Variants in CNBD1 observed in about 807,000 individuals in gnomAD.
The protein encoded by CNBD1 is cyclic nucleotide-binding domain-containing protein 1.
Under a neutral mutation model 54.4 loss-of-function variants are expected in CNBD1, and 71 were observed. The observed-to-expected ratio is 1.30, with a 90% CI of 1.08 to 1.59. The LOEUF (loss-of-function observed/expected upper bound fraction) is 1.59. CNBD1 is among the 40% of genes most tolerant of loss of function. CNBD1 has a pLI of 0.00. For missense variants in CNBD1, 659 were observed against 518.0 expected, an observed-to-expected ratio of 1.27 and a Z score of -2.64; for synonymous variants, 182 against 170.7, an observed-to-expected ratio of 1.07 and a Z score of -0.51.
At chr8:87,252,299 G>T (rs1807931783) in intron 6 of CNBD1, among the ~76,000 whole-genome samples, 1 of 152,080 alleles carries the variant, frequency 6.6e-6, no homozygotes, top group South Asian at 2.1e-4. Flanking sequence ...GTTGACAATT[G>T]AATATCAAAC....
At chr8:87,388,159 C>G (rs1431863533) in intron 2 of CNBD1, among the ~76,000 whole-genome samples, 1 of 152,084 alleles carries the variant, frequency 6.6e-6, no homozygotes, top group African/African-American at 2.4e-5. Context: ...AAGGAAAGAT[C>G]TAAAATTGAC....
At position 87,380,482 on chromosome 8, in the gene CNBD1, A is replaced by G. The variant is rs148664677; in HGVS notation, c.1304-2138A>G. Among the ~76,000 whole-genome samples, 504 of 151,892 alleles carry G rather than the reference A, an allele frequency of 3.3e-3. 1 individual carries two copies. Among genetic ancestry groups the G allele is most frequent in the African/African-American group, 0.012 (477 of 41,476 alleles). On this transcript the variant is annotated intron_variant, in intron 10 of 10. Coordinates refer to ENST00000518476, the MANE Select transcript of CNBD1 (RefSeq NM_173538.3). ...TCCAACTTCATCCTTCTTTCTGCAG[A>G]TTGATTTGGTTATGTGTAATTTTTT...
chr8:86,940,973 G>A (rs1271553200), intron 4 of CNBD1, among the ~76,000 whole-genome samples: 2 of 152,124 alleles, frequency 1.3e-5, no homozygotes, highest in African/African-American at 4.8e-5. Context: ...TAGACTACAC[G>A]ATCCAGGTTT....
chr8:87,335,145 A>T (rs1809918583), intron 8 of CNBD1, among the ~76,000 whole-genome samples: 2 of 152,268 alleles, frequency 1.3e-5, no homozygotes, highest in South Asian at 4.1e-4. Flanking sequence ...ATTTTAGAGT[A>T]AGTGTCATGT....
intron 5 of CNBD1, among the ~76,000 whole-genome samples, chr8:87,223,781 G>T (rs1316406314): frequency 6.6e-6 from 1 of 151,890 alleles, no homozygotes; most frequent in Non-Finnish European, 1.5e-5. Context: ...TGGGTCAAAT[G>T]GTATTTCCAG....
chr8:87,407,620 T>C (rs4131948), intron 2 of CNBD1, among the ~76,000 whole-genome samples: 86,013 of 151,910 alleles, frequency 0.57, 25,860 homozygotes, highest in African/African-American at 0.77. Context: ...AACCATCTGT[T>C]TATAAAAATT....
chr8:87,067,093 G>T (rs1810669740), intron 4 of CNBD1, among the ~76,000 whole-genome samples: 1 of 152,006 alleles, frequency 6.6e-6, no homozygotes, highest in Non-Finnish European at 1.5e-5. Context: ...GCCATCATTA[G>T]TTAGGGCTGG....
chr8:87,101,870 G>A (rs985905516), intron 4 of CNBD1, among the ~76,000 whole-genome samples: 2 of 151,702 alleles, frequency 1.3e-5, no homozygotes, highest in African/African-American at 4.8e-5. Flanking sequence ...TGGAGGTGAA[G>A]TGGGATCAGT....
intron 10 of CNBD1, among the ~76,000 whole-genome samples, chr8:87,367,076 A>G (rs1381549382): frequency 6.6e-6 from 1 of 151,992 alleles, no homozygotes; most frequent in East Asian, 1.9e-4. Flanking sequence ...CTCTCTCACT[A>G]ATATACCATT....
intron 4 of CNBD1, among the ~76,000 whole-genome samples, chr8:87,008,599 G>C (rs1160517483): frequency 6.6e-6 from 1 of 152,106 alleles, no homozygotes; most frequent in Non-Finnish European, 1.5e-5. Flanking sequence ...CTGAGTGAAA[G>C]GTTTTGCTAC....
chr8:87,231,358 G>C (rs1235798884), intron 5 of CNBD1, among the ~76,000 whole-genome samples: 2 of 152,094 alleles, frequency 1.3e-5, no homozygotes, highest in Non-Finnish European at 2.9e-5. Context: ...GAGGGGAGGG[G>C]AAGAAAGAAT....
intron 6 of CNBD1, among the ~76,000 whole-genome samples, chr8:87,247,375 G>A (rs989206042): frequency 2.0e-5 from 3 of 152,102 alleles, no homozygotes; most frequent in Non-Finnish European, 4.4e-5. Context: ...TGAGTAAGAC[G>A]GCCCTGGCTG....
At chr8:86,950,435 A>T (rs911299236) in intron 4 of CNBD1, among the ~76,000 whole-genome samples, 1 of 152,088 alleles carries the variant, frequency 6.6e-6, no homozygotes, top group African/African-American at 2.4e-5. Flanking sequence ...TGTTGATATG[A>T]TGTATCACAT....
chr8:87,310,012 C>G (rs1809231755), intron 8 of CNBD1, among the ~76,000 whole-genome samples: 1 of 152,046 alleles, frequency 6.6e-6, no homozygotes, highest in Non-Finnish European at 1.5e-5. Flanking sequence ...GTACAAAAAT[C>G]AGTAGCATTT....
At chr8:86,989,168 A>C (rs1808680097) in intron 4 of CNBD1, among the ~76,000 whole-genome samples, 1 of 152,118 alleles carries the variant, frequency 6.6e-6, no homozygotes, top group African/African-American at 2.4e-5. Context: ...ACTACTCAGG[A>C]AGCTGAGGTG....
At chr8:87,083,705 C>T (rs1054830198) in intron 4 of CNBD1, among the ~76,000 whole-genome samples, 3 of 151,168 alleles carry the variant, frequency 2.0e-5, no homozygotes, top group African/African-American at 7.3e-5. Flanking sequence ...TCTCCTGCCT[C>T]AGCCTCCCAA....
chr8:87,241,799 T>G (rs1335522216), intron 6 of CNBD1, among the ~76,000 whole-genome samples: 1 of 152,206 alleles, frequency 6.6e-6, no homozygotes, highest in African/African-American at 2.4e-5. Context: ...TGTGATCATT[T>G]TGGAAGCTAT....
intron 8 of CNBD1, among the ~76,000 whole-genome samples, chr8:87,305,948 A>T (rs1809132381): frequency 6.6e-6 from 1 of 152,162 alleles, no homozygotes; most frequent in South Asian, 2.1e-4. Flanking sequence ...CAAAAGGAAC[A>T]GTCAGCAGAG....
At chr8:87,075,405 T>C (rs1810848369) in intron 4 of CNBD1, among the ~76,000 whole-genome samples, 1 of 152,168 alleles carries the variant, frequency 6.6e-6, no homozygotes, top group Admixed American at 6.5e-5. Flanking sequence ...CTGAGTTCCT[T>C]CCTTAGGAAA....
Sources: allele counts gnomAD v4.1 joint callset (sites outside exome capture counted in the v4.1 genomes callset), GRCh38; gene constraint gnomAD v4.1.1; transcripts MANE v1.5; gene names NCBI Gene and HGNC (gene_info 2026-07-23, HGNC 2026-07-21).